Variants in TLK2 observed in about 807,000 individuals in gnomAD.
TLK2 encodes tousled like kinase 2.
A neutral mutation model predicts 117.3 loss-of-function variants in TLK2; 6 were observed. That is an observed-to-expected ratio of 0.05 (90% CI 0.03 to 0.10). The LOEUF (loss-of-function observed/expected upper bound fraction) is 0.10. TLK2 is among the 10% of genes least tolerant of loss of function. The pLI is 1.00. For missense variants in TLK2, 299 were observed against 901.2 expected (o/e 0.33, Z 8.56); for synonymous variants, 257 against 316.7 (o/e 0.81, Z 2.00).
At chr17:62,515,929 TTTC>T (rs1004367540) in intron 2 of TLK2, among the ~76,000 whole-genome samples, 81 of 152,228 alleles carry the variant, frequency 5.3e-4, no homozygotes, top group African/African-American at 1.6e-3. Flanking sequence ...TTCTCCCTGT[TTTC>T]TTCTTCTTTT....
intron 15 of TLK2, 150 bp from the exon 16 acceptor site, chr17:62,585,985 G>A: frequency 1.8e-6 from 1 of 551,846 alleles, no homozygotes; most frequent in Non-Finnish European, 3.2e-6. Context: ...CAAGTTTCAA[G>A]AAGGTGCTTG....
chr17:62,473,034 C>T (rs115539398), intron 1 of TLK2, among the ~76,000 whole-genome samples: 10 of 152,296 alleles, frequency 6.6e-5, no homozygotes, highest in Non-Finnish European at 1.5e-4. Flanking sequence ...AGCCCCCAAC[C>T]CACTCTCATT....
chr17:62,539,992 T>G (rs2145909628), intron 7 of TLK2, among the ~76,000 whole-genome samples: 1 of 152,134 alleles, frequency 6.6e-6, no homozygotes, highest in Non-Finnish European at 1.5e-5. Flanking sequence ...CTTCCTTCTG[T>G]TCCCCACCCG....
At chr17:62,483,235 T>A (rs537537144) in intron 2 of TLK2, among the ~76,000 whole-genome samples, 1 of 151,832 alleles carries the variant, frequency 6.6e-6, no homozygotes, top group South Asian at 2.1e-4. Flanking sequence ...TATTCAAATT[T>A]TACATAGTTA....
At chr17:62,525,723 T>A (rs2076329742) in intron 6 of TLK2, among the ~76,000 whole-genome samples, 1 of 152,192 alleles carries the variant, frequency 6.6e-6, no homozygotes, top group Non-Finnish European at 1.5e-5. Context: ...GTGTTGAGAT[T>A]ACAGGCATTA....
intron 2 of TLK2, 148 bp from the exon 3 acceptor site, chr17:62,520,625 C>G (rs2430926): frequency 1.5e-6 from 1 of 682,602 alleles, no homozygotes; most frequent in Non-Finnish European, 2.2e-6. Flanking sequence ...TGCAGTGAGC[C>G]GAGATCACGC....
In TLK2 at chr17:62,546,627, C is replaced by T. The variant is rs576750449; in HGVS notation, c.532-5675C>T. ...CTGGAGTGCGGTGGCGTGATCTTGG[C>T]TCACTGCAACCTCTGCCACCCAGGT... On this transcript the variant is annotated intron_variant, in intron 7 of 21. Coordinates refer to ENST00000346027, the MANE Select transcript of TLK2 (RefSeq NM_006852.6). Among the ~76,000 whole-genome samples, 63 of 147,828 alleles carry T rather than the reference C, an allele frequency of 4.3e-4. 1 individual carries two copies. Among genetic ancestry groups the T allele is most frequent in the African/African-American group, 1.3e-3 (52 of 40,072 alleles).
At chr17:62,540,543 C>T (rs1398565109) in intron 7 of TLK2, among the ~76,000 whole-genome samples, 1 of 149,700 alleles carries the variant, frequency 6.7e-6, no homozygotes, top group Non-Finnish European at 1.5e-5. Context: ...GGATTACAGG[C>T]GCGTACCACC....
intron 2 of TLK2, among the ~76,000 whole-genome samples, chr17:62,489,299 CA>C (rs777654478): frequency 4.6e-5 from 7 of 151,582 alleles, no homozygotes; most frequent in Non-Finnish European, 1.0e-4. Context: ...CTTCTGGGCT[CA>C]AGTGATTCTT....
At chr17:62,552,663 T>C (rs891007405) in intron 8 of TLK2, among the ~76,000 whole-genome samples, 4 of 117,806 alleles carry the variant, frequency 3.4e-5, no homozygotes, top group African/African-American at 1.1e-4. Flanking sequence ...ACTGCACACC[T>C]TTTTTTTTTT....
chr17:62,567,828 T>C (rs889933306), intron 11 of TLK2, among the ~76,000 whole-genome samples: 105 of 152,284 alleles, frequency 6.9e-4, no homozygotes, highest in African/African-American at 2.2e-3. Context: ...GTTGTTGTTA[T>C]TTTTGTTCAC....
chr17:62,548,238 A>ATG (rs141908103), intron 7 of TLK2, among the ~76,000 whole-genome samples: 1,770 of 111,824 alleles, frequency 0.016, 11 homozygotes, highest in South Asian at 0.031. Context: ...ATATATATAT[A>ATG]TATGTGTGTG....
chr17:62,565,639 A>G (rs983132265), intron 11 of TLK2, among the ~76,000 whole-genome samples: 6 of 134,416 alleles, frequency 4.5e-5, no homozygotes, highest in Non-Finnish European at 9.5e-5. Flanking sequence ...GCGACAGAGC[A>G]AGACTCCATC....
intron 21 of TLK2, among the ~76,000 whole-genome samples, chr17:62,609,606 G>A (rs972007655): frequency 6.6e-6 from 1 of 152,160 alleles, no homozygotes; most frequent in African/African-American, 2.4e-5. Flanking sequence ...AATCAAATCT[G>A]CAAGGGAGAA....
chr17:62,520,741 A>G (rs2075984475), intron 2 of TLK2, 32 bp from the exon 3 acceptor site: 6 of 1,592,958 alleles, frequency 3.8e-6, no homozygotes, highest in East Asian at 2.3e-5. Flanking sequence ...TAGGATTAAA[A>G]TTTATTTATT....
At chr17:62,512,006 C>T (rs563659068) in intron 2 of TLK2, among the ~76,000 whole-genome samples, 1 of 152,236 alleles carries the variant, frequency 6.6e-6, no homozygotes, top group Non-Finnish European at 1.5e-5. Flanking sequence ...AAAAGCTTTA[C>T]CTTTTTACAT....
At chr17:62,553,018 G>A (rs935997586) in intron 8 of TLK2, among the ~76,000 whole-genome samples, 1 of 152,172 alleles carries the variant, frequency 6.6e-6, no homozygotes, top group Non-Finnish European at 1.5e-5. Flanking sequence ...CTGAACATTT[G>A]AGGATTGTAT....
chr17:62,521,294 T>C (rs991355374), intron 3 of TLK2, among the ~76,000 whole-genome samples: 5 of 152,232 alleles, frequency 3.3e-5, no homozygotes, highest in South Asian at 2.1e-4. Context: ...ATTATAATCA[T>C]GTGTGGATCT....
intron 16 of TLK2, among the ~76,000 whole-genome samples, chr17:62,590,976 G>A (rs2082033416): frequency 6.6e-6 from 1 of 152,210 alleles, no homozygotes; most frequent in Non-Finnish European, 1.5e-5. Context: ...TCTGGGCAGG[G>A]CGTAGTGGTC....
Sources: gnomAD v4.1 joint callset for allele counts (sites outside exome capture counted in the v4.1 genomes callset) on GRCh38, gnomAD v4.1.1 for gene constraint, MANE v1.5 for transcripts, NCBI Gene and HGNC (gene_info 2026-07-23, HGNC 2026-07-21) for gene names.